The following PRKN variants were observed in gnomAD, a reference collection of about 807,000 sequenced individuals.
The protein encoded by PRKN is E3 ubiquitin-protein ligase parkin.
In PRKN, 56 loss-of-function variants were observed where a neutral mutation model predicts 59.5. That is an observed-to-expected ratio of 0.94 (90% confidence interval 0.76 to 1.18). The LOEUF (loss-of-function observed/expected upper bound fraction) is 1.18, where lower values mean the gene tolerates loss of function less well. Among genes scored for constraint, PRKN ranks in the 50% most tolerant of loss-of-function variants. PRKN has a pLI of 0.00. For synonymous variants in PRKN, 250 were observed against 222.1 expected (o/e 1.13, Z -1.12); for missense variants, 657 against 596.4 (o/e 1.10, Z -1.06).
At chr6:161,769,990 A>G (rs892647117) in intron 7 of PRKN, among the ~76,000 whole-genome samples, 1 of 152,198 alleles carries the variant, frequency 6.6e-6, no homozygotes, top group African/African-American at 2.4e-5. Flanking sequence ...GGACTGAGAC[A>G]TGACCACAAA....
chr6:161,356,695 G>A lies in PRKN; in HGVS notation c.1285+3393C>T, dbSNP rs1784769627. Reference sequence around the variant, plus strand: ...GATGAGCTTTAGCTTAGCGGCTTGAGGAACTGGGCGGTGCTGTTGACTGAG... The same window carrying A: ...GATGAGCTTTAGCTTAGCGGCTTGAAGAACTGGGCGGTGCTGTTGACTGAG... On this transcript the variant is annotated intron_variant, in intron 11 of 11. Coordinates refer to ENST00000366898, the MANE Select transcript of PRKN (RefSeq NM_004562.3). This position sits in a 1 kb window ranked among gnomAD's most constrained non-coding sequence, Gnocchi z 7.8. Among the ~76,000 whole-genome samples, 1 of 152,134 alleles carries A rather than the reference G, an allele frequency of 6.6e-6. No individual in the cohort carries two copies. Among genetic ancestry groups the A allele is most frequent in the Admixed American group, 6.5e-5 (1 of 15,272 alleles).
At chr6:162,417,640 C>T (rs926650389) in intron 2 of PRKN, among the ~76,000 whole-genome samples, 3 of 152,168 alleles carry the variant, frequency 2.0e-5, no homozygotes, top group Non-Finnish European at 2.9e-5. Flanking sequence ...GAAATTAAAG[C>T]GCTCTCAAAT....
intron 1 of PRKN, among the ~76,000 whole-genome samples, chr6:162,718,919 T>G (rs764122180): frequency 1.3e-5 from 2 of 152,116 alleles, no homozygotes; most frequent in Non-Finnish European, 2.9e-5. Context: ...AAGCTCTGCA[T>G]GTAGTGAGAC....
intron 1 of PRKN, among the ~76,000 whole-genome samples, chr6:162,500,663 A>C (rs1194061093): frequency 1.3e-5 from 2 of 152,222 alleles, no homozygotes; most frequent in Non-Finnish European, 2.9e-5. Context: ...TTTCAGACAC[A>C]AAGAACTAAA....
chr6:162,351,177 C>T (rs1259900077), intron 2 of PRKN, among the ~76,000 whole-genome samples: 6 of 151,920 alleles, frequency 3.9e-5, no homozygotes, highest in Admixed American at 1.3e-4. Context: ...GGCCACAGAG[C>T]GAGTCTACGT....
At chr6:162,487,778 T>C (rs1310582895) in intron 1 of PRKN, among the ~76,000 whole-genome samples, 1 of 152,074 alleles carries the variant, frequency 6.6e-6, no homozygotes, top group Admixed American at 6.6e-5. Context: ...CAAAACTGTT[T>C]TATAAAATAA....
Position 162,660,418 on chromosome 6 carries a change from T to C in PRKN, c.7+67244A>G, listed in dbSNP as rs1052109978. 4.6e-5 allele frequency among the ~76,000 whole-genome samples: 7 copies of C among 152,186 alleles called. No homozygotes were observed. The East Asian group carries it at 1.3e-3, about 29-fold the overall frequency. On this transcript the variant is annotated intron_variant, in intron 1 of 11. Transcript: ENST00000366898. ...TCTGTTTCACCATCACACTGTGTCT[T>C]TGTATGCAATTTCCTCTGCATCTTC...
chr6:161,701,007 A>G (rs59996420), intron 7 of PRKN, among the ~76,000 whole-genome samples: 15,317 of 152,216 alleles, frequency 0.1, 1,954 homozygotes, highest in African/African-American at 0.3. Context: ...AGACAACTTC[A>G]TTTTATAGAG....
chr6:162,124,372 G>A (rs750989101), intron 4 of PRKN, among the ~76,000 whole-genome samples: 2 of 152,058 alleles, frequency 1.3e-5, no homozygotes, highest in African/African-American at 2.4e-5. Context: ...TCTTTCCCTC[G>A]CTGGGAAAGG....
intron 1 of PRKN, among the ~76,000 whole-genome samples, chr6:162,611,844 T>C (rs1242633728): frequency 6.6e-6 from 1 of 152,098 alleles, no homozygotes; most frequent in Non-Finnish European, 1.5e-5. Context: ...AGATACTTAG[T>C]TATGACAAGA....
chr6:162,380,427 ATG>A lies in PRKN; in HGVS notation c.171+62881_171+62882del, dbSNP rs1275339367. 2.6e-4 allele frequency among the ~76,000 whole-genome samples: 33 copies of A among 128,300 alleles called. 1 individual carries two copies. Among genetic ancestry groups the A allele is most frequent in the Admixed American group, 3.8e-4 (5 of 13,204 alleles). 84.2% of individuals were successfully genotyped at this position (128,300 alleles called of 152,430 possible). A position where few individuals can be genotyped will look rare whatever the true frequency, so the allele number is the denominator to read the frequency against. On this transcript the variant is annotated intron_variant, in intron 2 of 11. Coordinates refer to ENST00000366898, the MANE Select transcript of PRKN (RefSeq NM_004562.3). Reference sequence around the variant, plus strand: ...TATATATATATACACACATATATATATGTGTGTATATATATATATGTATATAT... The same window carrying A: ...TATATATATATACACACATATATATATGTGTATATATATATATGTATATAT...
In PRKN at chr6:161,349,082, C is replaced by A. The variant is rs1013519628; in HGVS notation, c.*1017G>T. The A allele has an allele frequency of 4.5e-6, 1 of 220,882 alleles. No homozygotes were observed. Among genetic ancestry groups the A allele is most frequent in the African/African-American group, 2.2e-5 (1 of 44,768 alleles). 13.7% of individuals were successfully genotyped at this position (220,882 alleles called of 1,614,324 possible). ...AACCCTTCTGATGGAGAGAGTCGGG[C>A]GTGTCTTCATTTTGGTAGTTCTGGA... On this transcript the variant is annotated 3_prime_UTR_variant, in exon 12 of 12. Transcript: ENST00000366898. This position sits in a 1 kb window ranked among gnomAD's most constrained non-coding sequence, Gnocchi z 5.5.
At chr6:161,415,175 A>C (rs898367021) in intron 9 of PRKN, among the ~76,000 whole-genome samples, 2 of 152,180 alleles carry the variant, frequency 1.3e-5, no homozygotes, top group African/African-American at 2.4e-5. Context: ...AGTGGTGATC[A>C]CATAATTGAG....
At chr6:162,571,584 G>C (rs935308856) in intron 1 of PRKN, among the ~76,000 whole-genome samples, 1 of 152,074 alleles carries the variant, frequency 6.6e-6, no homozygotes, top group African/African-American at 2.4e-5. Context: ...ATGGAGGACT[G>C]GGTAGATGTG....
chr6:161,955,191 TG>T (rs534960966), intron 6 of PRKN, among the ~76,000 whole-genome samples: 197 of 152,234 alleles, frequency 1.3e-3, no homozygotes, highest in Non-Finnish European at 2.4e-3. Context: ...CCCTTTGCTG[TG>T]GGGCTGACTC....
chr6:161,946,414 A>ACACACACACACACTCTCTCTCTCT (rs1247187053), intron 6 of PRKN, among the ~76,000 whole-genome samples: 4 of 114,376 alleles, frequency 3.5e-5, no homozygotes, highest in African/African-American at 1.1e-4. Flanking sequence ...ACACACACAC[A>ACACACACACACACTCTCTCTCTCT]CTCTCTCTCT....
intron 6 of PRKN, among the ~76,000 whole-genome samples, chr6:161,874,654 G>GCATAATAAAA (rs1794594546): frequency 3.4e-4 from 1 of 2,902 alleles, no homozygotes; most frequent in Non-Finnish European, 8.5e-4. Context: ...CATATAAAAT[G>GCATAATAAAA]TATAATAAAA....
chr6:162,209,487 C>T (rs182729755), intron 3 of PRKN, among the ~76,000 whole-genome samples: 17 of 152,240 alleles, frequency 1.1e-4, no homozygotes, highest in African/African-American at 3.1e-4. Flanking sequence ...GAAACAGGAA[C>T]GCTTTTACAT....
intron 6 of PRKN, among the ~76,000 whole-genome samples, chr6:161,863,524 A>G (rs1012639030): frequency 2.0e-5 from 3 of 151,698 alleles, no homozygotes; most frequent in Admixed American, 6.6e-5. Context: ...AAGTGAGTTT[A>G]GAAAGATATT....
Sources: gnomAD v4.1 joint callset for allele counts (sites outside exome capture counted in the v4.1 genomes callset) on GRCh38, gnomAD v4.1.1 for gene constraint, Gnocchi (gnomAD v3.1) non-coding constraint, MANE v1.5 for transcripts, NCBI Gene and HGNC (gene_info 2026-07-23, HGNC 2026-07-21) for gene names.